KIF20B: variants seen among roughly 807,000 people sequenced by gnomAD.
KIF20B encodes kinesin family member 20B.
A neutral mutation model predicts 232.5 loss-of-function variants in KIF20B; 188 were observed. The observed-to-expected ratio is 0.81, with a 90% confidence interval of 0.72 to 0.91. The LOEUF is 0.91. Ranked by LOEUF, KIF20B falls within the 40% of genes least tolerant of loss-of-function variation. The probability of loss-of-function intolerance (pLI) is 0.00; values close to 1 mark genes in which losing one functional copy is unlikely to be tolerated. For synonymous variants in KIF20B, 712 were observed against 683.0 expected (o/e 1.04, Z -0.66); for missense variants, 2,154 against 2,055.9 (o/e 1.05, Z -0.92).
chr10:89,750,017 A>G (rs552806949), intron 23 of KIF20B, among the ~76,000 whole-genome samples: 3 of 152,178 alleles, frequency 2.0e-5, no homozygotes, highest in South Asian at 2.1e-4. Context: ...AGACTTCTTT[A>G]CTTTGCTTTA....
At chr10:89,701,973 T>A (rs1842620351) in intron 1 of KIF20B, among the ~76,000 whole-genome samples, 1 of 152,260 alleles carries the variant, frequency 6.6e-6, no homozygotes, top group African/African-American at 2.4e-5. Flanking sequence ...TTCTTATCAG[T>A]TAAAAGGCTG....
At chr10:89,721,351 A>G (rs927196039) in intron 13 of KIF20B, among the ~76,000 whole-genome samples, 2 of 152,064 alleles carry the variant, frequency 1.3e-5, no homozygotes, top group Non-Finnish European at 2.9e-5. Context: ...ATTAAATAGT[A>G]CCTCCTCAGT....
At position 89,714,057 on chromosome 10, in the gene KIF20B, A is replaced by T. The variant is rs778382667; in HGVS notation, c.686A>T (p.His229Leu). 1.4e-6 allele frequency: 2 copies of T among 1,449,838 alleles called. No individual in the cohort carries two copies. The highest frequency in any genetic ancestry group is 2.8e-5 in the South Asian group (2 of 71,202). The allele number at this position is 1,449,838 out of a possible 1,614,324, so 89.8% of individuals were successfully genotyped here. Residue 229 changes from histidine (H) to leucine (L), a missense_variant, in exon 7 of 33, where the codon CAT (histidine) becomes CTT (leucine). Transcript: ENST00000371728. ...CAATCTTTTTTTTAGGTTACTGTGC[A>T]TAATGATAGTGATGATACTCTTTAT... is the stretch of plus-strand genomic sequence containing the variant. ...LLRQIKEVTV[H>L]NDSDDTLYGS...
At chr10:89,772,624 G>T in intron 31 of KIF20B, 65 bp from the exon 32 acceptor site, 1 of 998,902 alleles carries the variant, frequency 1.0e-6, no homozygotes, top group South Asian at 1.8e-5. Context: ...CTTTATTAAG[G>T]ATTTCAAATC....
rs187127378 is a variant in KIF20B at position 89,718,857 on chromosome 10, C to T, written c.1419C>T (p.Ser473=). 79 of 1,543,024 alleles carry T rather than the reference C, an allele frequency of 5.1e-5. No individual in the cohort carries two copies. Among genetic ancestry groups the T allele is most frequent in the Non-Finnish European group, 6.2e-5 (71 of 1,146,242 alleles). ...AAACACTCAATGTATTGAAGTTCTC[C>T]GCCATTGCACAAAAAGTAAATATTT... is the stretch of plus-strand genomic sequence containing the variant. ...YDETLNVLKF[S]AIAQKVCVPD... The change falls in exon 12 of 33, where the codon TCC becomes TCT. Residue 473 remains serine, a synonymous_variant. Transcript: ENST00000371728.
In KIF20B at chr10:89,717,721, AAG is replaced by A; in HGVS notation, c.1271_1271+1del. ...CGTCTTGAAGAATAGTGAAAAGTCA[AAG>A]TAAGTGTTTCTGAAAGTGTTATTAG... On this transcript the variant is annotated splice_donor_variant and coding_sequence_variant, in exon 11 of 33. Coordinates refer to ENST00000371728, the MANE Select transcript of KIF20B (RefSeq NM_001284259.2). LOFTEE classifies it high-confidence loss of function. The A allele has an allele frequency of 6.3e-7, 1 of 1,582,918 alleles. No homozygotes were observed. Among genetic ancestry groups the A allele is most frequent in the South Asian group, 1.2e-5 (1 of 84,576 alleles).
intron 21 of KIF20B, among the ~76,000 whole-genome samples, chr10:89,742,815 T>C (rs2133136260): frequency 6.7e-6 from 1 of 150,092 alleles, no homozygotes; most frequent in African/African-American, 2.4e-5. Context: ...TTCTTCTGCC[T>C]CAGTCTCCCG....
At chr10:89,739,194 T>C in intron 21 of KIF20B, 98 bp downstream of exon 21, 1 of 1,271,804 alleles carries the variant, frequency 7.9e-7, no homozygotes, top group South Asian at 1.4e-5. Flanking sequence ...ATAGAACATT[T>C]ATCCACTTTA....
At chr10:89,765,836 C>G (rs1380780057) in intron 29 of KIF20B, among the ~76,000 whole-genome samples, 1 of 152,138 alleles carries the variant, frequency 6.6e-6, no homozygotes, top group African/African-American at 2.4e-5. Context: ...GGCCCCCACT[C>G]TCTTCTGGCT....
At chr10:89,765,174 C>G (rs1842329155) in intron 29 of KIF20B, among the ~76,000 whole-genome samples, 3 of 152,014 alleles carry the variant, frequency 2.0e-5, no homozygotes, top group Admixed American at 1.3e-4. Flanking sequence ...CATTGCTTTT[C>G]TCAGGTTTGT....
intron 25 of KIF20B, among the ~76,000 whole-genome samples, chr10:89,753,679 G>A (rs1364245353): frequency 1.3e-5 from 2 of 152,120 alleles, no homozygotes; most frequent in African/African-American, 2.4e-5. Context: ...GGAGTGCAGT[G>A]ACGTGATCTC....
intron 29 of KIF20B, among the ~76,000 whole-genome samples, chr10:89,764,499 T>C (rs1368422170): frequency 6.6e-6 from 1 of 152,224 alleles, no homozygotes; most frequent in African/African-American, 2.4e-5. Flanking sequence ...TGAACTAGTT[T>C]ACAGTCCCAC....
At chr10:89,744,069 G>C (rs1258626366) in intron 22 of KIF20B, 142 bp downstream of exon 22, 36 of 615,990 alleles carry the variant, frequency 5.8e-5, no homozygotes, top group Non-Finnish European at 9.3e-5. Context: ...AAATTAAATA[G>C]GCAAAAAAGA....
In KIF20B at chr10:89,746,075, G is replaced by C. The variant is rs1390523297; in HGVS notation, c.4096+116G>C. 3 of 724,366 alleles carry C rather than the reference G, an allele frequency of 4.1e-6. No homozygotes were observed. The East Asian group carries it at 8.0e-5, about 19-fold the overall frequency. The allele number at this position is 724,366 out of a possible 1,614,324, so 44.9% of individuals were successfully genotyped here. ...GCCCTGCAGCTCAAACCCCTAGGGG[G>C]AGCATGCAGACGGGCAGGTCTTGAG... is the stretch of plus-strand genomic sequence containing the variant. On this transcript the variant is annotated intron_variant, in intron 23 of 32. Transcript: ENST00000371728.
chr10:89,706,608 CT>C lies in KIF20B; in HGVS notation c.147+1172del, dbSNP rs984675076. Among the ~76,000 whole-genome samples the C allele has an allele frequency of 3.4e-4, 50 of 146,702 alleles. 1 individual carries two copies. Among genetic ancestry groups the C allele is most frequent in the Admixed American group, 2.5e-3 (37 of 14,612 alleles). On this transcript the variant is annotated intron_variant, in intron 2 of 32. Transcript: ENST00000371728. ...TATAGGGACCCAGGTTAACTTTTTT[CT>C]TTTTCTTTTTAGCTTCCATACATTT...
At chr10:89,762,985 A>G in intron 29 of KIF20B, 150 bp downstream of exon 29, 2 of 627,914 alleles carry the variant, frequency 3.2e-6, no homozygotes, top group Non-Finnish European at 5.5e-6. Flanking sequence ...TATACCCTTT[A>G]AGGATATCAC....
At chr10:89,762,204 T>C (rs1171055633) in intron 28 of KIF20B, among the ~76,000 whole-genome samples, 2 of 152,158 alleles carry the variant, frequency 1.3e-5, no homozygotes, top group African/African-American at 4.8e-5. Context: ...CACATCCTAT[T>C]GGCTATAAGG....
chr10:89,725,220 C>A, intron 15 of KIF20B, 62 bp downstream of exon 15: 3 of 1,417,390 alleles, frequency 2.1e-6, no homozygotes, highest in South Asian at 1.2e-5. Context: ...TTTAGTGTAC[C>A]ACATCAATGA....
In KIF20B at chr10:89,719,705, G is replaced by A. The variant is rs768808298; in HGVS notation, c.1721G>A (p.Arg574Lys). Reference sequence around the variant, plus strand: ...GCTTTCATTAGCCACGAGGAGAAAAGAGTATGTATTAAGAACTCATACTTC... The same window carrying A: ...GCTTTCATTAGCCACGAGGAGAAAAAAGTATGTATTAAGAACTCATACTTC... ...NKAFISHEEK[R>K]KLLDLIEDLK... The change falls in exon 13 of 33, where the codon AGA (arginine) becomes AAA (lysine). Residue 574 changes from arginine to lysine, a missense_variant and splice_region_variant. Arg to Lys is a conservative substitution (Grantham distance 26). Coordinates refer to ENST00000371728, the MANE Select transcript of KIF20B (RefSeq NM_001284259.2). 7 of 1,594,528 alleles carry A rather than the reference G, an allele frequency of 4.4e-6. No individual in the cohort carries two copies. The highest frequency in any genetic ancestry group is 6.0e-6 in the Non-Finnish European group (7 of 1,171,522).
Sources: allele counts gnomAD v4.1 joint callset (sites outside exome capture counted in the v4.1 genomes callset), GRCh38; gene constraint gnomAD v4.1.1; transcripts MANE v1.5; gene names NCBI Gene and HGNC (gene_info 2026-07-23, HGNC 2026-07-21).